Variants in RASEF observed in about 807,000 individuals in gnomAD.
RASEF encodes ras and EF-hand domain-containing protein.
RASEF carries 68 observed loss-of-function variants against 90.1 expected under a neutral mutation model. The ratio of observed to expected loss-of-function variants is 0.75; its 90% CI spans 0.62 to 0.92. The LOEUF (loss-of-function observed/expected upper bound fraction) is 0.92, where lower values mean the gene tolerates loss of function less well. RASEF is among the 40% of genes least tolerant of loss of function. RASEF has a pLI of 0.00. For missense variants in RASEF, 949 were observed against 937.2 expected (o/e 1.01, Z -0.16); for synonymous variants, 331 against 345.2 (o/e 0.96, Z 0.46).
intron 16 of RASEF, among the ~76,000 whole-genome samples, chr9:82,985,866 T>C (rs1027348653): frequency 3.3e-5 from 5 of 152,138 alleles, no homozygotes; most frequent in Non-Finnish European, 5.9e-5. Flanking sequence ...ATAATTTTGG[T>C]AGATTCCAGA....
In RASEF at chr9:83,062,846, C is replaced by G. The variant is rs1303958702; in HGVS notation, c.22G>C (p.Glu8Gln). The change falls in exon 1 of 17, where the codon GAG becomes CAG. Residue 8 changes from glutamate (E) to glutamine (Q), a missense_variant. This residue lies in a region of RASEF where 656 missense variants were observed against 592.2 expected (regional missense o/e 1.11). Transcript: ENST00000376447. The stretch of plus-strand genomic sequence containing the variant: ...ACTGAGCGCAGCCGGGCCAGCTCCT[C>G]TCCGTCCCCATCCGCCTCCATCCCG... MEADGDG[E>Q]ELARLRSVFA... 2 of 1,535,970 alleles carry G rather than the reference C, an allele frequency of 1.3e-6. No homozygotes were observed. The highest frequency in any genetic ancestry group is 1.7e-6 in the Non-Finnish European group (2 of 1,152,226).
At chr9:83,145,916 A>G in the RASEF span, among the ~76,000 whole-genome samples, 1 of 152,126 alleles carries the variant, frequency 6.6e-6, no homozygotes, top group East Asian at 1.9e-4. Flanking sequence ...ACTCAGAAGA[A>G]TAACAAATAT....
intron 7 of RASEF, among the ~76,000 whole-genome samples, chr9:83,006,978 C>T (rs1829144851): frequency 6.6e-6 from 1 of 151,766 alleles, no homozygotes; most frequent in African/African-American, 2.4e-5. Flanking sequence ...CCTGTAGTCC[C>T]AGCTACTCAG....
chr9:83,193,167 C>G, the RASEF span, among the ~76,000 whole-genome samples: 1 of 152,200 alleles, frequency 6.6e-6, no homozygotes, highest in Non-Finnish European at 1.5e-5. Context: ...TCCCACACGC[C>G]TTCCTGGCAG....
intron 1 of RASEF, among the ~76,000 whole-genome samples, chr9:83,046,209 A>G (rs1305267634): frequency 6.6e-6 from 1 of 152,164 alleles, no homozygotes; most frequent in East Asian, 1.9e-4. Flanking sequence ...CCTAGTACCC[A>G]ATAGTTATCA....
At chr9:83,158,920 C>T in the RASEF span, among the ~76,000 whole-genome samples, 1 of 151,818 alleles carries the variant, frequency 6.6e-6, no homozygotes, top group Non-Finnish European at 1.5e-5. Flanking sequence ...GGCACAGTGG[C>T]TCACGCCTGT....
the RASEF span, among the ~76,000 whole-genome samples, chr9:83,103,705 T>G: frequency 6.6e-6 from 1 of 152,150 alleles, no homozygotes; most frequent in African/African-American, 2.4e-5. Flanking sequence ...CAAACACTAT[T>G]GTATAAGACT....
the RASEF span, among the ~76,000 whole-genome samples, chr9:83,144,412 GAAAGA>G: frequency 8.1e-6 from 1 of 122,768 alleles, no homozygotes; most frequent in Non-Finnish European, 1.8e-5. Flanking sequence ...AAGAAAGAAA[GAAAGA>G]AAAGAAAAGA....
At chr9:83,114,876 A>G in the RASEF span, among the ~76,000 whole-genome samples, 4,480 of 152,236 alleles carry the variant, frequency 0.029, 229 homozygotes, top group African/African-American at 0.1. Flanking sequence ...CTGTGATCTC[A>G]CCCTGCCTCC....
At chr9:83,197,352 A>G in the RASEF span, among the ~76,000 whole-genome samples, 2 of 152,140 alleles carry the variant, frequency 1.3e-5, no homozygotes, top group African/African-American at 4.8e-5. Flanking sequence ...ACTTCAGGGA[A>G]CAACAACGTA....
At chr9:83,169,041 C>T in the RASEF span, among the ~76,000 whole-genome samples, 1 of 147,950 alleles carries the variant, frequency 6.8e-6, no homozygotes, top group South Asian at 2.2e-4. Flanking sequence ...TTTGCTACCT[C>T]CAAGAGATCA....
chr9:83,145,760 G>A, the RASEF span, among the ~76,000 whole-genome samples: 1 of 151,992 alleles, frequency 6.6e-6, no homozygotes, highest in Non-Finnish European at 1.5e-5. Context: ...AAGGCCACAA[G>A]TTAGGTTAGT....
rs558733326 is a variant in RASEF, at chr9:82,983,364, C to A, written c.2118-582G>T. Among the ~76,000 whole-genome samples the A allele has an allele frequency of 7.9e-5, 12 of 152,286 alleles. No homozygotes were observed. In the East Asian group the frequency reaches 2.1e-3, roughly 27 times the overall value. ...ATTTACCACCATCCCTTTCTGTCAT[C>A]GTAAGCTTCTTCCAGTATTAACTGC... On this transcript the variant is annotated intron_variant, in intron 16 of 16. Coordinates refer to ENST00000376447, the MANE Select transcript of RASEF (RefSeq NM_152573.4).
At chr9:83,071,244 G>A in the RASEF span, among the ~76,000 whole-genome samples, 1 of 152,154 alleles carries the variant, frequency 6.6e-6, no homozygotes, top group South Asian at 2.1e-4. Flanking sequence ...TTACCATTGC[G>A]ATGGTGACTA....
At position 83,058,472 on chromosome 9, in the gene RASEF, G is replaced by A. The variant is rs904272007; in HGVS notation, c.431+3965C>T. On this transcript the variant is annotated intron_variant, in intron 1 of 16. Transcript: ENST00000376447. ...GCTGGGATTACAGGCGTGAGCCACC[G>A]CGCCCGGCCGTATTTATGTCTTTCT... Among the ~76,000 whole-genome samples, 9 of 147,858 alleles carry A rather than the reference G, an allele frequency of 6.1e-5. 2 individuals carry two copies. Among genetic ancestry groups the A allele is most frequent in the African/African-American group, 1.3e-4 (5 of 37,428 alleles).
chr9:83,154,659 T>G, the RASEF span, among the ~76,000 whole-genome samples: 3 of 152,192 alleles, frequency 2.0e-5, no homozygotes, highest in Non-Finnish European at 2.9e-5. Context: ...TCTACCTAGG[T>G]TGGCCATCTC....
chr9:82,983,524 T>C (rs1475675994), intron 16 of RASEF, among the ~76,000 whole-genome samples: 1 of 152,182 alleles, frequency 6.6e-6, no homozygotes, highest in Non-Finnish European at 1.5e-5. Flanking sequence ...TTAGACAAGC[T>C]GAACGGCTAT....
chr9:83,058,461 C>T (rs1830142117), intron 1 of RASEF, among the ~76,000 whole-genome samples: 1 of 147,950 alleles, frequency 6.8e-6, no homozygotes, highest in Non-Finnish European at 1.5e-5. Context: ...GGATTACAGG[C>T]GTGAGCCACC....
At chr9:83,111,339 G>C in the RASEF span, among the ~76,000 whole-genome samples, 1 of 152,066 alleles carries the variant, frequency 6.6e-6, no homozygotes, top group African/African-American at 2.4e-5. Context: ...GGTTACCAGG[G>C]TTTGAGAGAG....
Sources: allele counts gnomAD v4.1 joint callset (sites outside exome capture counted in the v4.1 genomes callset), GRCh38; gene constraint gnomAD v4.1.1; regional missense constraint gnomAD v4.1.1; transcripts MANE v1.5; gene names NCBI Gene and HGNC (gene_info 2026-07-23, HGNC 2026-07-21).